The following KTN1 variants were observed in gnomAD, a reference collection of about 807,000 sequenced individuals.
KTN1 encodes the protein kinectin.
KTN1 carries 130 observed loss-of-function variants against 222.5 expected under a neutral mutation model. The observed-to-expected ratio is 0.58, with a 90% CI of 0.51 to 0.68. The LOEUF (loss-of-function observed/expected upper bound fraction) is 0.68. Among genes scored for constraint, KTN1 ranks in the 30% least tolerant of loss-of-function variants. The pLI, the probability that KTN1 is intolerant of heterozygous loss-of-function variation, is 0.00. For synonymous variants in KTN1, 512 were observed against 496.3 expected (o/e 1.03, Z -0.42); for missense variants, 1,508 against 1,500.4 (o/e 1.01, Z -0.08).
intron 5 of KTN1, among the ~76,000 whole-genome samples, chr14:55,620,935 A>C (rs1187488660): frequency 2.0e-5 from 3 of 152,124 alleles, no homozygotes; most frequent in South Asian, 4.1e-4. Flanking sequence ...TCAGGCTGCA[A>C]ATTTTCCAAA....
chr14:55,644,427 AAGAC>A, intron 18 of KTN1: 1 of 702,578 alleles, frequency 1.4e-6, no homozygotes, highest in Non-Finnish European at 2.6e-6. Context: ...AGGAAGCAGA[AAGAC>A]AACAGGTACC....
intron 31 of KTN1, among the ~76,000 whole-genome samples, chr14:55,660,261 C>A (rs1011307266): frequency 5.3e-5 from 8 of 151,786 alleles, no homozygotes; most frequent in Admixed American, 5.2e-4. Flanking sequence ...ACCTGTGGTC[C>A]CAGCTACTCG....
rs56190231 is a variant in KTN1 at position 55,631,341 on chromosome 14, GATATATATATATATAT to G, written c.1221+1257_1221+1272del. On this transcript the variant is annotated intron_variant, in intron 7 of 43. Transcript: ENST00000395314. ...CTAAAACTCACCTATTGATAAGGTT[GATATATATATATATAT>G]ATATATATATATGTATTTTTTTTCA... is the stretch of plus-strand genomic sequence containing the variant. Among the ~76,000 whole-genome samples, 432 of 114,710 alleles carry G rather than the reference GATATATATATATATAT, an allele frequency of 3.8e-3. 13 individuals carry two copies. The highest frequency in any genetic ancestry group is 0.025 in the East Asian group (101 of 3,970). The allele number at this position is 114,710 out of a possible 152,430, so 75.3% of individuals were successfully genotyped here. A position where few individuals can be genotyped will look rare whatever the true frequency, so the allele number is the denominator to read the frequency against.
At chr14:55,598,999 A>G (rs183704876) in intron 1 of KTN1, among the ~76,000 whole-genome samples, 2 of 151,484 alleles carry the variant, frequency 1.3e-5, no homozygotes, top group Admixed American at 1.3e-4. Context: ...TTTCTTTCAT[A>G]TTTTCCCTTA....
chr14:55,615,304 C>G (rs1272909321), intron 2 of KTN1, among the ~76,000 whole-genome samples: 2 of 152,144 alleles, frequency 1.3e-5, no homozygotes, highest in African/African-American at 2.4e-5. Context: ...AGAACTCTTT[C>G]ATCTTTTCCA....
intron 37 of KTN1, 89 bp downstream of exon 37, chr14:55,671,966 C>T (rs1181214154): frequency 1.3e-6 from 1 of 775,282 alleles, no homozygotes; most frequent in Non-Finnish European, 2.2e-6. Flanking sequence ...CATTCTTGGG[C>T]CCCAACCCAG....
intron 2 of KTN1, among the ~76,000 whole-genome samples, chr14:55,614,535 C>A (rs532942843): frequency 9.6e-4 from 146 of 152,234 alleles, no homozygotes; most frequent in African/African-American, 3.4e-3. Flanking sequence ...TAGCCCACTT[C>A]CTTTTTTTAT....
intron 38 of KTN1, 25 bp downstream of exon 38, chr14:55,672,726 G>A: frequency 6.9e-7 from 1 of 1,453,540 alleles, no homozygotes; most frequent in Non-Finnish European, 9.7e-7. Context: ...TGTTTTACTT[G>A]TAACCTATGG....
At position 55,580,224 on chromosome 14, in the gene KTN1, G is replaced by A. The variant is rs1196539385; in HGVS notation, c.-161G>A. 1 of 152,800 alleles carries A rather than the reference G, an allele frequency of 6.5e-6. No homozygotes were observed. The highest frequency in any genetic ancestry group is 2.4e-5 in the African/African-American group (1 of 41,060). 9.5% of individuals were successfully genotyped at this position (152,800 alleles called of 1,614,324 possible). On this transcript the variant is annotated 5_prime_UTR_variant, in exon 1 of 44. Transcript: ENST00000395314. ...CCCGCCCCGAAGCCGCCCGTTTCCT[G>A]CCGAGCGGCGCGACGGCACCTGAGC...
intron 6 of KTN1, 117 bp downstream of exon 6, chr14:55,628,145 A>G: frequency 1.5e-6 from 1 of 652,874 alleles, no homozygotes; most frequent in Non-Finnish European, 2.7e-6. Context: ...AACAAAAGTA[A>G]CTTTCCTTTA....
chr14:55,580,768 A>C lies in KTN1; in HGVS notation c.-31+414A>C, dbSNP rs994017056. Among the ~76,000 whole-genome samples, 5 of 152,118 alleles carry C rather than the reference A, an allele frequency of 3.3e-5. No homozygotes were observed. In the East Asian group the frequency reaches 5.9e-4, roughly 18 times the overall value. On this transcript the variant is annotated intron_variant, in intron 1 of 43. Coordinates refer to ENST00000395314, the MANE Select transcript of KTN1 (RefSeq NM_001079521.2). ...TGAGGGCCCCCGGGAGGGAAGGCGG[A>C]TTACCGCCTCCTCGGCCGGTGGACG... is the stretch of plus-strand genomic sequence containing the variant.
Position 55,656,051 on chromosome 14 carries a change from AAAGG to A in KTN1, c.2814_2817del (p.Glu939MetfsTer3), listed in dbSNP as rs755695069. 1 of 1,599,252 alleles carries A rather than the reference AAAGG, an allele frequency of 6.3e-7. No individual in the cohort carries two copies. The highest frequency in any genetic ancestry group is 8.5e-7 in the Non-Finnish European group (1 of 1,171,942). On this transcript the variant is annotated frameshift_variant, in exon 29 of 44. Transcript: ENST00000395314. LOFTEE classifies it high-confidence loss of function. ...TTGTAAAAAATTCTAGGTTGAAAGA[AAAGG>A]AAAATGAATTGAAGAGGTTAGAAGC...
intron 14 of KTN1, 107 bp from the exon 15 acceptor site, chr14:55,640,267 A>G: frequency 1.3e-6 from 1 of 790,986 alleles, no homozygotes; most frequent in Admixed American, 3.0e-5. Flanking sequence ...TATTTGGGAA[A>G]TTTTGTAAGT....
chr14:55,660,854 A>T (rs144924749), intron 31 of KTN1, among the ~76,000 whole-genome samples: 2 of 152,326 alleles, frequency 1.3e-5, no homozygotes, highest in East Asian at 1.9e-4. Context: ...ACAAAAACAG[A>T]CTGTGGAGTG....
intron 43 of KTN1, chr14:55,682,207 T>C (rs1390962286): frequency 1.3e-5 from 2 of 152,144 alleles, no homozygotes; most frequent in East Asian, 3.8e-4. Context: ...TAGGTGTATT[T>C]AACTGATATC....
intron 31 of KTN1, among the ~76,000 whole-genome samples, chr14:55,660,681 A>G (rs952572536): frequency 1.2e-4 from 19 of 152,158 alleles, no homozygotes; most frequent in Admixed American, 6.5e-5. Flanking sequence ...CTATATAGAG[A>G]AAAGGTTGGC....
chr14:55,645,745 C>A (rs12432887), intron 18 of KTN1, among the ~76,000 whole-genome samples: 38,418 of 151,900 alleles, frequency 0.25, 4,936 homozygotes, highest in East Asian at 0.33. Context: ...TTCTTATGAA[C>A]TAGAAGCAGA....
chr14:55,644,693 C>A (rs2042130163), intron 18 of KTN1, among the ~76,000 whole-genome samples: 1 of 149,144 alleles, frequency 6.7e-6, no homozygotes, highest in African/African-American at 2.5e-5. Flanking sequence ...TAAGAAGTTT[C>A]TTCTTTTTGC....
chr14:55,648,479 G>A (rs115601205), intron 20 of KTN1, among the ~76,000 whole-genome samples: 347 of 152,286 alleles, frequency 2.3e-3, no homozygotes, highest in African/African-American at 8.0e-3. Context: ...AAAAGGTTGC[G>A]GGAAGAAGTA....
Sources: gnomAD v4.1 joint callset for allele counts (sites outside exome capture counted in the v4.1 genomes callset) on GRCh38, gnomAD v4.1.1 for gene constraint, MANE v1.5 for transcripts, NCBI Gene and HGNC (gene_info 2026-07-23, HGNC 2026-07-21) for gene names.